Variants in HMGCLL1 observed in about 807,000 individuals in gnomAD.
HMGCLL1 encodes the protein 3-hydroxymethyl-3-methylglutaryl-CoA lyase, cytoplasmic.
HMGCLL1 carries 36 observed loss-of-function variants against 39.1 expected under a neutral mutation model. The observed-to-expected ratio is 0.92, with a 90% CI of 0.71 to 1.22. The LOEUF (loss-of-function observed/expected upper bound fraction) is 1.22. Among genes scored for constraint, HMGCLL1 ranks in the 50% most tolerant of loss-of-function variants. The pLI, the probability that HMGCLL1 is intolerant of heterozygous loss-of-function variation, is 0.00. For missense variants in HMGCLL1, 451 were observed against 416.5 expected, an observed-to-expected ratio of 1.08 and a Z score of -0.72; for synonymous variants, 149 against 144.0, an observed-to-expected ratio of 1.03 and a Z score of -0.25.
the HMGCLL1 span, among the ~76,000 whole-genome samples, chr6:55,657,712 G>T: frequency 2.0e-5 from 3 of 152,088 alleles, no homozygotes; most frequent in South Asian, 6.2e-4. Context: ...ATACACCATG[G>T]AATACTATGC....
the HMGCLL1 span, among the ~76,000 whole-genome samples, chr6:55,650,518 A>T: frequency 6.6e-6 from 1 of 151,908 alleles, no homozygotes; most frequent in East Asian, 2.0e-4. Context: ...TCAGGATGTG[A>T]TGATGCAAGC....
chr6:55,593,772 T>G, the HMGCLL1 span, among the ~76,000 whole-genome samples: 1 of 152,324 alleles, frequency 6.6e-6, no homozygotes, highest in African/African-American at 2.4e-5. Context: ...TGTCAGGCAC[T>G]GTCCTAACAG....
the HMGCLL1 span, among the ~76,000 whole-genome samples, chr6:55,655,542 A>AGATAGATAGAT: frequency 2.6e-5 from 4 of 151,002 alleles, no homozygotes; most frequent in South Asian, 2.1e-4. Flanking sequence ...ATTGGTAGAT[A>AGATAGATAGAT]GATAGATAGA....
chr6:55,470,871 G>C (rs1160047132), intron 7 of HMGCLL1, among the ~76,000 whole-genome samples: 2 of 151,644 alleles, frequency 1.3e-5, no homozygotes, highest in African/African-American at 4.8e-5. Context: ...AAAACCATCA[G>C]TTATCATGAG....
At chr6:55,614,733 T>C in the HMGCLL1 span, among the ~76,000 whole-genome samples, 1 of 152,178 alleles carries the variant, frequency 6.6e-6, no homozygotes, top group Non-Finnish European at 1.5e-5. Context: ...TATAGGTTAC[T>C]TAGTGTATAA....
chr6:55,632,551 T>C, the HMGCLL1 span, among the ~76,000 whole-genome samples: 1 of 151,864 alleles, frequency 6.6e-6, no homozygotes, highest in Admixed American at 6.6e-5. Context: ...GTATTTTGAT[T>C]CAACTTACTA....
chr6:55,673,611 C>T, the HMGCLL1 span, among the ~76,000 whole-genome samples: 3 of 151,812 alleles, frequency 2.0e-5, no homozygotes, highest in South Asian at 2.1e-4. Flanking sequence ...AAAGCAGTCA[C>T]GTTAAAATAT....
chr6:55,623,660 T>C, the HMGCLL1 span, among the ~76,000 whole-genome samples: 1 of 149,308 alleles, frequency 6.7e-6, no homozygotes, highest in East Asian at 1.9e-4. Context: ...AAATAATATA[T>C]ATACACAAAC....
At chr6:55,620,167 T>C in the HMGCLL1 span, among the ~76,000 whole-genome samples, 1 of 152,148 alleles carries the variant, frequency 6.6e-6, no homozygotes, top group African/African-American at 2.4e-5. Context: ...GATATTCCCA[T>C]GTTTGATACA....
chr6:55,516,137 T>C (rs1488489177), intron 4 of HMGCLL1, among the ~76,000 whole-genome samples: 2 of 152,126 alleles, frequency 1.3e-5, no homozygotes, highest in Admixed American at 6.6e-5. Context: ...CAACAAAGGT[T>C]GACAAAAATA....
intron 7 of HMGCLL1, among the ~76,000 whole-genome samples, chr6:55,486,634 C>T (rs755942228): frequency 6.6e-6 from 1 of 152,046 alleles, no homozygotes; most frequent in Admixed American, 6.6e-5. Flanking sequence ...TCTCCCAAAC[C>T]TTTATCTTTT....
chr6:55,558,131 C>A (rs554973901), intron 1 of HMGCLL1, among the ~76,000 whole-genome samples: 20 of 152,180 alleles, frequency 1.3e-4, no homozygotes, highest in South Asian at 4.1e-4. Flanking sequence ...ACTGGAAATG[C>A]ATAACCAGAA....
chr6:55,477,250 A>AC (rs1765400802), intron 7 of HMGCLL1, among the ~76,000 whole-genome samples: 1 of 24,600 alleles, frequency 4.1e-5, no homozygotes, highest in African/African-American at 2.7e-4. Flanking sequence ...TTTATATAAT[A>AC]TATAATATAT....
chr6:55,480,447 G>A (rs1285822989), intron 7 of HMGCLL1, among the ~76,000 whole-genome samples: 3 of 151,644 alleles, frequency 2.0e-5, no homozygotes, highest in African/African-American at 7.3e-5. Flanking sequence ...AGTTAAGACA[G>A]CTTTTACTCA....
chr6:55,631,889 G>A, the HMGCLL1 span, among the ~76,000 whole-genome samples: 3 of 152,056 alleles, frequency 2.0e-5, no homozygotes, highest in Non-Finnish European at 2.9e-5. Context: ...TCAAAACCCT[G>A]CAGAGCAGTA....
chr6:55,586,226 G>A, the HMGCLL1 span, among the ~76,000 whole-genome samples: 1 of 151,962 alleles, frequency 6.6e-6, no homozygotes, highest in African/African-American at 2.4e-5. Context: ...AAGGCAGTAG[G>A]TTTCTCGTTT....
intron 7 of HMGCLL1, among the ~76,000 whole-genome samples, chr6:55,472,726 A>G (rs946834967): frequency 6.6e-6 from 1 of 151,482 alleles, no homozygotes; most frequent in Non-Finnish European, 1.5e-5. Context: ...ATGTATTCTG[A>G]TATTATTGTA....
the HMGCLL1 span, among the ~76,000 whole-genome samples, chr6:55,609,227 C>A: frequency 0.11 from 16,774 of 152,176 alleles, 1,105 homozygotes; most frequent in East Asian, 0.17. Flanking sequence ...GTCAACTGAG[C>A]TCCCTGGGGG....
At chr6:55,542,446 G>A (rs548411825) in intron 1 of HMGCLL1, among the ~76,000 whole-genome samples, 61 of 152,016 alleles carry the variant, frequency 4.0e-4, no homozygotes, top group African/African-American at 1.3e-3. Flanking sequence ...GGGTGATTCC[G>A]CATATGACAA....
Sources: allele counts gnomAD v4.1 joint callset (sites outside exome capture counted in the v4.1 genomes callset), GRCh38; gene constraint gnomAD v4.1.1; transcripts MANE v1.5; gene names NCBI Gene and HGNC (gene_info 2026-07-23, HGNC 2026-07-21).